The following DMAC2 variants were observed in gnomAD, a reference collection of about 807,000 sequenced individuals.
The protein encoded by DMAC2 is distal membrane-arm assembly complex protein 2.
In DMAC2, 32 loss-of-function variants were observed where a neutral mutation model predicts 29.6. That is an observed-to-expected ratio of 1.08 (90% CI 0.81 to 1.45). The LOEUF (loss-of-function observed/expected upper bound fraction) is 1.45, where lower values mean the gene tolerates loss of function less well. DMAC2 is among the 40% of genes most tolerant of loss of function. DMAC2 has a pLI of 0.00. For missense variants in DMAC2, 319 were observed against 340.0 expected (o/e 0.94, Z 0.49); for synonymous variants, 133 against 137.4 (o/e 0.97, Z 0.23).
Position 41,432,048 on chromosome 19 carries a change from G to T in DMAC2, c.*183C>A. 1.5e-6 allele frequency: 1 copy of T among 671,666 alleles called. No individual in the cohort carries two copies. Among genetic ancestry groups the T allele is most frequent in the Non-Finnish European group, 2.5e-6 (1 of 401,646 alleles). 41.6% of individuals were successfully genotyped at this position (671,666 alleles called of 1,614,324 possible). On this transcript the variant is annotated 3_prime_UTR_variant, in exon 6 of 6. Transcript: ENST00000221943. The stretch of plus-strand genomic sequence containing the variant: ...TGCCTGACAGGGTGACAGGAGCTGT[G>T]ACCTTTAGCCAAGGGCAGCCAGGAA...
intron 2 of DMAC2, among the ~76,000 whole-genome samples, chr19:41,437,694 A>G (rs2039944358): frequency 6.6e-6 from 1 of 150,694 alleles, no homozygotes; most frequent in Non-Finnish European, 1.5e-5. Context: ...GCAAGACTCC[A>G]TCTCAGAAAA....
intron 3 of DMAC2, among the ~76,000 whole-genome samples, chr19:41,435,471 C>T (rs577757313): frequency 5.9e-5 from 9 of 152,034 alleles, no homozygotes; most frequent in Middle Eastern, 3.2e-3. Flanking sequence ...GGTTTCACCA[C>T]GTTGGCTAGG....
Position 41,433,349 on chromosome 19 carries a change from G to A in DMAC2, c.519C>T (p.Ala173=), listed in dbSNP as rs369694551. The part of the protein sequence containing the change: ...DWCLSRLYPL[A]DSLQELSLAG... Reference sequence around the variant, plus strand: ...CCAGCGAGAGCTCCTGCAACGAGTCGGCCAGTGGGTAGAGGCGGCTGAGAC... The same window carrying A: ...CCAGCGAGAGCTCCTGCAACGAGTCAGCCAGTGGGTAGAGGCGGCTGAGAC... The change falls in exon 5 of 6, where the codon GCC becomes GCT. Residue 173 remains alanine, a synonymous_variant. Transcript: ENST00000221943. 31 of 1,612,614 alleles carry A rather than the reference G, an allele frequency of 1.9e-5. No homozygotes were observed. Among genetic ancestry groups the A allele is most frequent in the African/African-American group, 1.3e-4 (10 of 74,912 alleles).
intron 5 of DMAC2, chr19:41,432,804 G>GCATGCGTGCA: frequency 3.8e-6 from 2 of 524,948 alleles, no homozygotes; most frequent in Non-Finnish European, 6.7e-6. Flanking sequence ...GTGTGTGTGT[G>GCATGCGTGCA]TGTGTGTGTG....
chr19:41,434,226 C>G (rs1218796659), intron 3 of DMAC2, among the ~76,000 whole-genome samples: 1 of 148,892 alleles, frequency 6.7e-6, no homozygotes, highest in Non-Finnish European at 1.5e-5. Flanking sequence ...CAGAGCGAGA[C>G]TCCATCTCAA....
intron 1 of DMAC2, among the ~76,000 whole-genome samples, 188 bp from the exon 2 acceptor site, chr19:41,438,602 T>G (rs2039994636): frequency 6.6e-6 from 1 of 152,182 alleles, no homozygotes; most frequent in Admixed American, 6.5e-5. Context: ...AAGTTCCTCC[T>G]CCCCTTAGTG....
At chr19:41,436,146 G>A (rs1333982605) in intron 3 of DMAC2, among the ~76,000 whole-genome samples, 2 of 152,218 alleles carry the variant, frequency 1.3e-5, no homozygotes, top group Admixed American at 1.3e-4. Context: ...AAAGCATTGG[G>A]ATTACAGGCG....
chr19:41,436,364 G>A, intron 3 of DMAC2, 28 bp downstream of exon 3: 2 of 1,603,716 alleles, frequency 1.2e-6, no homozygotes, highest in Non-Finnish European at 1.7e-6. Context: ...ACCTGCCCCA[G>A]CCCGTTCTAA....
chr19:41,439,643 G>C (rs2040050652), intron 1 of DMAC2: 2 of 1,403,796 alleles, frequency 1.4e-6, no homozygotes, highest in African/African-American at 2.9e-5. Flanking sequence ...ATCCCCATTG[G>C]ATACTCTCAG....
intron 2 of DMAC2, among the ~76,000 whole-genome samples, chr19:41,437,165 C>T (rs549035536): frequency 2.0e-5 from 3 of 152,000 alleles, no homozygotes; most frequent in South Asian, 2.1e-4. Context: ...TTTGGAAGGC[C>T]GAGGCAGGTG....
At chr19:41,433,208 C>A in intron 5 of DMAC2, 64 bp downstream of exon 5, 1 of 1,506,398 alleles carries the variant, frequency 6.6e-7, no homozygotes, top group South Asian at 1.3e-5. Flanking sequence ...CACTTCCTCT[C>A]CTGCATCTGG....
chr19:41,438,613 A>T (rs1387788270), intron 1 of DMAC2, among the ~76,000 whole-genome samples, 199 bp from the exon 2 acceptor site: 1 of 152,174 alleles, frequency 6.6e-6, no homozygotes, highest in African/African-American at 2.4e-5. Flanking sequence ...CCCCTTAGTG[A>T]ACCCTAAATT....
chr19:41,439,415 C>T, intron 1 of DMAC2: 2 of 1,331,790 alleles, frequency 1.5e-6, no homozygotes, highest in Admixed American at 2.0e-5. Flanking sequence ...GGTTCCCCCA[C>T]CCATCATGCT....
intron 5 of DMAC2, chr19:41,432,620 G>A (rs1185081889): frequency 1.1e-5 from 4 of 372,310 alleles, no homozygotes; most frequent in South Asian, 3.1e-5. Context: ...AGGACAGCAT[G>A]TGTGTGTGTG....
intron 5 of DMAC2, 63 bp downstream of exon 5, chr19:41,433,209 C>T: frequency 6.6e-7 from 1 of 1,508,902 alleles, no homozygotes; most frequent in African/African-American, 1.4e-5. Context: ...ACTTCCTCTC[C>T]TGCATCTGGG....
chr19:41,433,249 C>T, intron 5 of DMAC2, 23 bp downstream of exon 5: 1 of 1,593,874 alleles, frequency 6.3e-7, no homozygotes, highest in Non-Finnish European at 8.5e-7. Context: ...GGGCATGTGG[C>T]CCAGCCTGAG....
chr19:41,439,573 C>A, intron 1 of DMAC2: 3 of 1,528,622 alleles, frequency 2.0e-6, no homozygotes, highest in East Asian at 2.4e-5. Flanking sequence ...TCCATTAGCT[C>A]CTTGTGTCAT....
At chr19:41,439,620 C>T (rs1429060556) in intron 1 of DMAC2, 1 of 1,469,146 alleles carries the variant, frequency 6.8e-7, no homozygotes, top group Non-Finnish European at 9.1e-7. Flanking sequence ...CGCTCTTCGG[C>T]AGCCACTCCC....
chr19:41,436,150 A>G (rs1415920403), intron 3 of DMAC2, among the ~76,000 whole-genome samples: 1 of 152,210 alleles, frequency 6.6e-6, no homozygotes, highest in Non-Finnish European at 1.5e-5. Context: ...CATTGGGATT[A>G]CAGGCGTGAG....
Sources: allele counts gnomAD v4.1 joint callset (sites outside exome capture counted in the v4.1 genomes callset), GRCh38; gene constraint gnomAD v4.1.1; transcripts MANE v1.5; gene names NCBI Gene and HGNC (gene_info 2026-07-23, HGNC 2026-07-21).